The following SAP30BP variants were observed in gnomAD, a reference collection of about 807,000 sequenced individuals.
SAP30BP encodes the protein SAP30-binding protein.
Under a neutral mutation model 46.3 loss-of-function variants are expected in SAP30BP, and 31 were observed. The observed-to-expected ratio is 0.67, with a 90% confidence interval of 0.50 to 0.90. The LOEUF is 0.90. Ranked by LOEUF, SAP30BP falls within the 40% of genes least tolerant of loss-of-function variation. SAP30BP has a pLI of 0.00. For missense variants in SAP30BP, 312 were observed against 391.0 expected, an observed-to-expected ratio of 0.80 and a Z score of 1.70; for synonymous variants, 169 against 144.2, an observed-to-expected ratio of 1.17 and a Z score of -1.23.
Position 75,703,358 on chromosome 17 carries a change from C to T in SAP30BP, c.536C>T (p.Thr179Ile), listed in dbSNP as rs748144575. Residue 179 changes from threonine (T) to isoleucine (I), a missense_variant, in exon 7 of 11, where the codon ACC (threonine) becomes ATC (isoleucine). By Grantham distance (89) the Thr-to-Ile change is moderately conservative. Around this residue, in one of 2 missense-constraint regions of SAP30BP, gnomAD observed 296 missense variants for 346.6 expected, o/e 0.85. Transcript: ENST00000584667. ...TTCTGTGCCATTGACGAGCTTGGCA[C>T]CAACTACCCAAAGGTGCGTCTGGCA... is the stretch of plus-strand genomic sequence containing the variant. ...IQFCAIDELG[T>I]NYPKDMFDPH... The T allele has an allele frequency of 6.2e-7, 1 of 1,613,948 alleles. No individual in the cohort carries two copies. The highest frequency in any genetic ancestry group is 1.3e-5 in the African/African-American group (1 of 74,936).
chr17:75,682,701 T>C (rs138220710), intron 3 of SAP30BP, among the ~76,000 whole-genome samples: 6,356 of 152,012 alleles, frequency 0.042, 425 homozygotes, highest in African/African-American at 0.13. Flanking sequence ...CAGTGGCTCA[T>C]GCCTGTAATC....
At chr17:75,678,257 C>G (rs1489979817) in intron 3 of SAP30BP, among the ~76,000 whole-genome samples, 1 of 152,024 alleles carries the variant, frequency 6.6e-6, no homozygotes, top group African/African-American at 2.4e-5. Context: ...GTGGGGATCC[C>G]AGGACCCCCT....
intron 6 of SAP30BP, 56 bp downstream of exon 6, chr17:75,702,627 C>A: frequency 1.2e-6 from 1 of 819,488 alleles, no homozygotes; most frequent in Non-Finnish European, 2.0e-6. Context: ...GGACTAAGGA[C>A]TAAGACGTCC....
At chr17:75,693,690 G>A (rs2060272848) in intron 4 of SAP30BP, among the ~76,000 whole-genome samples, 2 of 152,180 alleles carry the variant, frequency 1.3e-5, no homozygotes, top group East Asian at 1.9e-4. Flanking sequence ...CATATTTGTG[G>A]TGTGTTTTAA....
At chr17:75,678,866 G>A (rs904127833) in intron 3 of SAP30BP, among the ~76,000 whole-genome samples, 2 of 152,172 alleles carry the variant, frequency 1.3e-5, no homozygotes, top group South Asian at 2.1e-4. Flanking sequence ...ACCTGAAGCC[G>A]CGCGCAGAAT....
chr17:75,703,308 C>A lies in SAP30BP; in HGVS notation c.489-3C>A. 1 of 1,614,066 alleles carries A rather than the reference C, an allele frequency of 6.2e-7. No homozygotes were observed. The highest frequency in any genetic ancestry group is 8.5e-7 in the Non-Finnish European group (1 of 1,179,976). On this transcript the variant is annotated splice_polypyrimidine_tract_variant and splice_region_variant and intron_variant, in intron 6 of 10. Coordinates refer to ENST00000584667, the MANE Select transcript of SAP30BP (RefSeq NM_013260.8). ...CTGCTCAGCGCCGGCACTGTTCTTTCAGCATCTACGAGAAGCTGATCCAGT... is the reference window on the plus strand; with the variant it reads ...CTGCTCAGCGCCGGCACTGTTCTTTAAGCATCTACGAGAAGCTGATCCAGT...
intron 8 of SAP30BP, among the ~76,000 whole-genome samples, chr17:75,704,397 TTTTG>T (rs1568324847): frequency 3.3e-5 from 5 of 152,232 alleles, no homozygotes; most frequent in African/African-American, 7.2e-5. Flanking sequence ...CCTTCATGAA[TTTTG>T]TCATCTTTTA....
Position 75,691,619 on chromosome 17 carries a change from G to A in SAP30BP, c.265-1821G>A, listed in dbSNP as rs181675818. ...GGTAGACATGGTAGACTCCTTGTGTGGGGATTGGGCCTCTGCAGTTGAGTC... is the reference window on the plus strand; with the variant it reads ...GGTAGACATGGTAGACTCCTTGTGTAGGGATTGGGCCTCTGCAGTTGAGTC... On this transcript the variant is annotated intron_variant, in intron 3 of 10. Coordinates refer to ENST00000584667, the MANE Select transcript of SAP30BP (RefSeq NM_013260.8). 55 of 394,462 alleles carry A rather than the reference G, an allele frequency of 1.4e-4. No individual in the cohort carries two copies. In the East Asian group the frequency reaches 3.8e-3, roughly 28 times the overall value. The allele number at this position is 394,462 out of a possible 1,614,324, so 24.4% of individuals were successfully genotyped here. A position where few individuals can be genotyped will look rare whatever the true frequency, so the allele number is the denominator to read the frequency against.
At chr17:75,675,976 C>A (rs1447519243) in intron 3 of SAP30BP, among the ~76,000 whole-genome samples, 1 of 152,112 alleles carries the variant, frequency 6.6e-6, no homozygotes, top group Non-Finnish European at 1.5e-5. Flanking sequence ...ATAAGTATTT[C>A]CAAAAAAATG....
At chr17:75,685,711 C>G (rs1242946123) in intron 3 of SAP30BP, among the ~76,000 whole-genome samples, 1 of 152,154 alleles carries the variant, frequency 6.6e-6, no homozygotes, top group East Asian at 1.9e-4. Flanking sequence ...CCCCCAACCC[C>G]CCAAATATAT....
chr17:75,682,837 C>CAT (rs1481877706), intron 3 of SAP30BP, among the ~76,000 whole-genome samples: 3 of 151,276 alleles, frequency 2.0e-5, no homozygotes, highest in African/African-American at 7.3e-5. Context: ...GTGGCACGTG[C>CAT]CTGTAATCCC....
chr17:75,674,928 C>T (rs1470616116), intron 3 of SAP30BP, among the ~76,000 whole-genome samples: 1 of 151,766 alleles, frequency 6.6e-6, no homozygotes. Context: ...GTCTTGAACT[C>T]CTGGGCTCAA....
intron 7 of SAP30BP, 181 bp from the exon 8 acceptor site, chr17:75,703,627 G>T: frequency 1.5e-6 from 1 of 658,750 alleles, no homozygotes; most frequent in South Asian, 1.8e-5. Context: ...TCGCTGGATG[G>T]GGGCTTCGTG....
chr17:75,702,634 G>A (rs1568323244), intron 6 of SAP30BP, 63 bp downstream of exon 6: 6 of 767,600 alleles, frequency 7.8e-6, no homozygotes, highest in East Asian at 2.6e-5. Context: ...GGACTAAGAC[G>A]TCCCCAAGGA....
chr17:75,694,669 G>A (rs1847996039), intron 4 of SAP30BP, among the ~76,000 whole-genome samples: 1 of 152,228 alleles, frequency 6.6e-6, no homozygotes, highest in Non-Finnish European at 1.5e-5. Context: ...GGGAGCCTTG[G>A]CCTCTTATCC....
intron 3 of SAP30BP, among the ~76,000 whole-genome samples, chr17:75,681,628 C>G (rs77929182): frequency 0.013 from 1,936 of 152,288 alleles, 32 homozygotes; most frequent in African/African-American, 0.041. Context: ...CTTTGAGGAG[C>G]CTGCCAGCAA....
At chr17:75,682,034 CT>C (rs934836700) in intron 3 of SAP30BP, among the ~76,000 whole-genome samples, 3 of 150,080 alleles carry the variant, frequency 2.0e-5, no homozygotes, top group South Asian at 2.1e-4. Flanking sequence ...TAAGCTTGGA[CT>C]TTTTTTTTAA....
chr17:75,704,058 C>A (rs558444348), intron 8 of SAP30BP, among the ~76,000 whole-genome samples, 199 bp downstream of exon 8: 1 of 152,178 alleles, frequency 6.6e-6, no homozygotes, highest in Non-Finnish European at 1.5e-5. Context: ...GAAGATGGAA[C>A]GTCACGCCAG....
At chr17:75,669,843 G>C (rs1435664516) in intron 2 of SAP30BP, among the ~76,000 whole-genome samples, 1 of 152,314 alleles carries the variant, frequency 6.6e-6, no homozygotes, top group East Asian at 1.9e-4. Context: ...ATAATCACCT[G>C]AGCAACATGA....
Sources: allele counts gnomAD v4.1 joint callset (sites outside exome capture counted in the v4.1 genomes callset), GRCh38; gene constraint gnomAD v4.1.1; regional missense constraint gnomAD v4.1.1; transcripts MANE v1.5; gene names NCBI Gene and HGNC (gene_info 2026-07-23, HGNC 2026-07-21).